Variants in PLCG1 observed in about 807,000 individuals in gnomAD.
The protein encoded by PLCG1 is 1-phosphatidylinositol 4,5-bisphosphate phosphodiesterase gamma-1.
A neutral mutation model predicts 177.8 loss-of-function variants in PLCG1; 71 were observed. That is an observed-to-expected ratio of 0.40 (90% CI 0.33 to 0.49). The LOEUF is 0.49. Ranked by LOEUF, PLCG1 falls within the 20% of genes least tolerant of loss-of-function variation. The pLI, the probability that PLCG1 is intolerant of heterozygous loss-of-function variation, is 0.72. For synonymous variants in PLCG1, 658 were observed against 647.9 expected (o/e 1.02, Z -0.24); for missense variants, 1,281 against 1,709.0 (o/e 0.75, Z 4.42).
intron 1 of PLCG1, among the ~76,000 whole-genome samples, chr20:41,158,941 CTA>C (rs752297654): frequency 3.9e-5 from 6 of 152,238 alleles, no homozygotes; most frequent in Non-Finnish European, 8.8e-5. Context: ...ACCTCTCTGA[CTA>C]TGCCTTGTGA....
Position 41,165,631 on chromosome 20 carries a change from C to A in PLCG1, c.1612-8C>A, listed in dbSNP as rs2035658577. 6.2e-7 allele frequency: 1 copy of A among 1,612,472 alleles called. No homozygotes were observed. Among genetic ancestry groups the A allele is most frequent in the Admixed American group, 1.7e-5 (1 of 59,978 alleles). On this transcript the variant is annotated splice_region_variant and splice_polypyrimidine_tract_variant and intron_variant, in intron 15 of 31. Coordinates refer to ENST00000685551, the MANE Select transcript of PLCG1 (RefSeq NM_002660.3). This position sits in a 1 kb window ranked among gnomAD's most constrained non-coding sequence, Gnocchi z 6.6. ...CACAGTATCTTTGCTGTTGCCTTCC[C>A]CTGACAGGTCAGCAGCAGCACAGAG...
Position 41,166,118 on chromosome 20 carries a change from CT to C in PLCG1, c.1800-75del. 7.5e-7 allele frequency: 1 copy of C among 1,339,600 alleles called. No homozygotes were observed. Among genetic ancestry groups the C allele is most frequent in the Non-Finnish European group, 1.1e-6 (1 of 950,458 alleles). The allele number at this position is 1,339,600 out of a possible 1,614,324, so 83.0% of individuals were successfully genotyped here. A position where few individuals can be genotyped will look rare whatever the true frequency, so the allele number is the denominator to read the frequency against. On this transcript the variant is annotated intron_variant, in intron 16 of 31. Transcript: ENST00000685551. This position sits in a 1 kb window ranked among gnomAD's most constrained non-coding sequence, Gnocchi z 8.6. ...TGAGGCTCCCTCCTTGAGTTCCACC[CT>C]CATTTGGGGTGGAACTTGGTCTTTG...
In PLCG1 at chr20:41,167,821, A is replaced by G. The variant is rs1386452563; in HGVS notation, c.2302-31A>G. On this transcript the variant is annotated intron_variant, in intron 19 of 31. Transcript: ENST00000685551. This position sits in a 1 kb window ranked among gnomAD's most constrained non-coding sequence, Gnocchi z 4.4. ...GCTTTCTACCTCTGGGCTCTGGGGC[A>G]TTAACATATCCCATTGTGTCCTGTT... 3 of 1,513,974 alleles carry G rather than the reference A, an allele frequency of 2.0e-6. No individual in the cohort carries two copies. The East Asian group carries it at 6.8e-5, about 34-fold the overall frequency. 93.8% of individuals were successfully genotyped at this position (1,513,974 alleles called of 1,614,324 possible).
Position 41,170,199 on chromosome 20 carries a change from C to T in PLCG1, c.2738C>T (p.Ala913Val), listed in dbSNP as rs1447361215. Residue 913 changes from alanine (A) to valine (V), a missense_variant, in exon 24 of 32, where the codon GCC (alanine) becomes GTC (valine). Ala to Val is a moderately conservative substitution (Grantham distance 64). Coordinates refer to ENST00000685551, the MANE Select transcript of PLCG1 (RefSeq NM_002660.3). ...GCCCACTGGTCCCTGGATGTTGCTG[C>T]CGACTCACAGGAGGAGCTGCAGGAC... is the stretch of plus-strand genomic sequence containing the variant. ...SVAHWSLDVA[A>V]DSQEELQDWV... 1 of 1,614,126 alleles carries T rather than the reference C, an allele frequency of 6.2e-7. No homozygotes were observed. Among genetic ancestry groups the T allele is most frequent in the Admixed American group, 1.7e-5 (1 of 60,016 alleles).
intron 23 of PLCG1, chr20:41,169,749 G>A (rs918483901): frequency 2.1e-5 from 12 of 581,160 alleles, no homozygotes; most frequent in South Asian, 4.3e-5. Context: ...TGGGGAACCC[G>A]TCAGAATCAG....
rs1229586399 is a variant in PLCG1, at chr20:41,174,484, G to A, written c.3851G>A (p.Arg1284Gln). The change falls in exon 32 of 32, where the codon CGG becomes CAG. Residue 1284 changes from arginine to glutamine, a missense_variant. Arg to Gln is a conservative substitution (Grantham distance 43, BLOSUM62 1). Around this residue, in one of 4 missense-constraint regions of PLCG1, gnomAD observed 153 missense variants for 153.2 expected, o/e 1.00. Coordinates refer to ENST00000685551, the MANE Select transcript of PLCG1 (RefSeq NM_002660.3). This position sits in a 1 kb window ranked among gnomAD's most constrained non-coding sequence, Gnocchi z 5.8. ...SRERRAPRRT[R>Q]VNGDNRL ...CTGTCCAGGGCCCCAAGAAGGACTC[G>A]GGTCAATGGAGACAACCGCCTCTAG... 3 of 1,585,730 alleles carry A rather than the reference G, an allele frequency of 1.9e-6. No individual in the cohort carries two copies. The highest frequency in any genetic ancestry group is 1.1e-5 in the South Asian group (1 of 87,734).
chr20:41,170,012 G>A, intron 23 of PLCG1, 100 bp from the exon 24 acceptor site: 2 of 1,091,072 alleles, frequency 1.8e-6, no homozygotes, highest in South Asian at 3.0e-5. Context: ...GGAGGAAATG[G>A]GATGAGATAG....
intron 24 of PLCG1, 41 bp downstream of exon 24, chr20:41,170,310 C>T (rs760594710): frequency 2.9e-5 from 46 of 1,610,760 alleles, no homozygotes; most frequent in Non-Finnish European, 3.8e-5. Context: ...AGTGTGTGGG[C>T]CCGTCAGGCA....
chr20:41,169,979 C>A, intron 23 of PLCG1, 133 bp from the exon 24 acceptor site: 1 of 810,116 alleles, frequency 1.2e-6, no homozygotes, highest in Non-Finnish European at 2.0e-6. Flanking sequence ...CAGAGTAGTC[C>A]TTCCCCTCAT....
intron 1 of PLCG1, among the ~76,000 whole-genome samples, chr20:41,155,902 G>C (rs2035306370): frequency 6.6e-6 from 1 of 152,180 alleles, no homozygotes; most frequent in Non-Finnish European, 1.5e-5. Flanking sequence ...GACTGCCAAG[G>C]CCTCATAGCT....
intron 1 of PLCG1, among the ~76,000 whole-genome samples, chr20:41,141,432 C>T (rs1424721614): frequency 6.6e-6 from 1 of 152,230 alleles, no homozygotes; most frequent in Non-Finnish European, 1.5e-5. Flanking sequence ...CAGGCGGGCT[C>T]AGAAGGGAGG....
chr20:41,172,087 G>T lies in PLCG1; in HGVS notation c.2809-106G>T. On this transcript the variant is annotated intron_variant, in intron 24 of 31. Coordinates refer to ENST00000685551, the MANE Select transcript of PLCG1 (RefSeq NM_002660.3). The surrounding 1 kb of genome is among the most constrained non-coding windows in gnomAD (Gnocchi z 7.0). ...GGAAGGTACAGGGGAAGGTGGGAGA[G>T]GGGCCCAGAGCACCTGCAGTGTGGG... 1.2e-6 allele frequency: 1 copy of T among 819,326 alleles called. No homozygotes were observed. The highest frequency in any genetic ancestry group is 1.4e-5 in the South Asian group (1 of 73,554). 50.8% of individuals were successfully genotyped at this position (819,326 alleles called of 1,614,324 possible). A position where few individuals can be genotyped will look rare whatever the true frequency, so the allele number is the denominator to read the frequency against.
At position 41,150,092 on chromosome 20, in the gene PLCG1, G is replaced by T. The variant is rs1392048333; in HGVS notation, c.218-9514G>T. ...TAGTCCCAGCTACCTGAAAGGCCAA[G>T]GTGGGAGGATCACCTGCACCTGGGG... On this transcript the variant is annotated intron_variant, in intron 1 of 31. Coordinates refer to ENST00000685551, the MANE Select transcript of PLCG1 (RefSeq NM_002660.3). The surrounding 1 kb of genome is among the most constrained non-coding windows in gnomAD (Gnocchi z 4.0). Among the ~76,000 whole-genome samples the T allele has an allele frequency of 6.6e-6, 1 of 152,194 alleles. No homozygotes were observed. The highest frequency in any genetic ancestry group is 2.1e-4 in the South Asian group (1 of 4,832).
At position 41,174,245 on chromosome 20, in the gene PLCG1, A is replaced by G. The variant is rs1386154112; in HGVS notation, c.3767A>G (p.Gln1256Arg). 6.2e-7 allele frequency: 1 copy of G among 1,614,092 alleles called. No individual in the cohort carries two copies. The highest frequency in any genetic ancestry group is 2.2e-5 in the East Asian group (1 of 44,896). ...REGSFESRYQ[Q>R]PFEDFRISQE... is the part of the protein sequence containing the mutation. ...GGCTCCTTTGAATCCCGCTACCAGC[A>G]GCCGTTTGAGGACTTCCGCATCTCC... The change falls in exon 31 of 32, where the codon CAG becomes CGG. Residue 1256 changes from glutamine to arginine, a missense_variant. Around this residue, in one of 4 missense-constraint regions of PLCG1, gnomAD observed 153 missense variants for 153.2 expected, o/e 1.00. Transcript: ENST00000685551. This position sits in a 1 kb window ranked among gnomAD's most constrained non-coding sequence, Gnocchi z 5.8.
rs939376727 is a variant in PLCG1 at position 41,147,404 on chromosome 20, A to G, written c.217+9546A>G. Among the ~76,000 whole-genome samples, 2 of 152,250 alleles carry G rather than the reference A, an allele frequency of 1.3e-5. No homozygotes were observed. The highest frequency in any genetic ancestry group is 4.8e-5 in the African/African-American group (2 of 41,468). On this transcript the variant is annotated intron_variant, in intron 1 of 31. Transcript: ENST00000685551. This position sits in a 1 kb window ranked among gnomAD's most constrained non-coding sequence, Gnocchi z 4.0. ...GGTTCTGGCCTGAGAACTGGTCTAC[A>G]CCGGAAGCATGAAGCTCCATACAAT...
chr20:41,165,856 C>T lies in PLCG1; in HGVS notation c.1799+30C>T, dbSNP rs747298537. ...CACTTCCCATGCAGATGCGTATGTT[C>T]AGTCAGCGTGTGTACACAGACATCA... is the stretch of plus-strand genomic sequence containing the variant. On this transcript the variant is annotated intron_variant, in intron 16 of 31. Coordinates refer to ENST00000685551, the MANE Select transcript of PLCG1 (RefSeq NM_002660.3). The surrounding 1 kb of genome is among the most constrained non-coding windows in gnomAD (Gnocchi z 6.6). The T allele has an allele frequency of 6.6e-7, 1 of 1,508,722 alleles. No homozygotes were observed. The highest frequency in any genetic ancestry group is 1.9e-5 in the Admixed American group (1 of 52,790). 93.5% of individuals were successfully genotyped at this position (1,508,722 alleles called of 1,614,324 possible).
chr20:41,168,081 G>T, intron 20 of PLCG1, 152 bp downstream of exon 20: 1 of 654,072 alleles, frequency 1.5e-6, no homozygotes. Flanking sequence ...TGTGTGGTTG[G>T]TGAGCGACCG....
In PLCG1 at chr20:41,159,560, T is replaced by C. The variant is rs1482579544; in HGVS notation, c.218-46T>C. 6.2e-6 allele frequency: 10 copies of C among 1,602,768 alleles called. No homozygotes were observed. The Admixed American group carries it at 1.5e-4, about 24-fold the overall frequency. On this transcript the variant is annotated intron_variant, in intron 1 of 31. Coordinates refer to ENST00000685551, the MANE Select transcript of PLCG1 (RefSeq NM_002660.3). This position sits in a 1 kb window ranked among gnomAD's most constrained non-coding sequence, Gnocchi z 6.0. ...AGGCTGCCCTCCTTTCGGTGTTGAC[T>C]CTGGGAGACCCCAGCTTGATCTTGG...
intron 1 of PLCG1, among the ~76,000 whole-genome samples, chr20:41,145,382 G>A (rs137932856): frequency 6.6e-5 from 10 of 152,324 alleles, no homozygotes; most frequent in Non-Finnish European, 1.0e-4. Flanking sequence ...TGGTAGAGTA[G>A]AGTGCTGCCT....
Sources: allele counts gnomAD v4.1 joint callset (sites outside exome capture counted in the v4.1 genomes callset), GRCh38; gene constraint gnomAD v4.1.1; regional missense constraint gnomAD v4.1.1; non-coding constraint Gnocchi (gnomAD v3.1); transcripts MANE v1.5; gene names NCBI Gene and HGNC (gene_info 2026-07-23, HGNC 2026-07-21).